The following RBFOX1 variants were observed in gnomAD, a reference collection of about 807,000 sequenced individuals.
RBFOX1 encodes the protein RNA binding fox-1 homolog 1.
Under a neutral mutation model 57.7 loss-of-function variants are expected in RBFOX1, and 8 were observed. The observed-to-expected ratio is 0.14, with a 90% CI of 0.08 to 0.25. The LOEUF (loss-of-function observed/expected upper bound fraction) is 0.25. Among genes scored for constraint, RBFOX1 ranks in the 10% least tolerant of loss-of-function variants. RBFOX1 has a pLI of 1.00. For missense variants in RBFOX1, 611 were observed against 548.5 expected, an observed-to-expected ratio of 1.11 and a Z score of -1.14; for synonymous variants, 326 against 222.4, an observed-to-expected ratio of 1.47 and a Z score of -4.15.
At chr16:7,547,857 A>G (rs1490654471) in intron 5 of RBFOX1, among the ~76,000 whole-genome samples, 1 of 152,184 alleles carries the variant, frequency 6.6e-6, no homozygotes, top group Middle Eastern at 3.2e-3. Flanking sequence ...TAACAGCAGA[A>G]GAGTAATCTA....
chr16:6,792,227 A>G (rs951838856), intron 3 of RBFOX1, among the ~76,000 whole-genome samples: 3 of 152,202 alleles, frequency 2.0e-5, no homozygotes, highest in Admixed American at 6.5e-5. Context: ...TTAAAGCACT[A>G]TTGGAGAATT....
chr16:7,122,298 A>G (rs1316842918), intron 4 of RBFOX1, among the ~76,000 whole-genome samples: 2 of 152,164 alleles, frequency 1.3e-5, no homozygotes, highest in Non-Finnish European at 2.9e-5. Flanking sequence ...TCAAAACATA[A>G]AAGTAAGAAA....
At position 6,495,128 on chromosome 16, in the gene RBFOX1, A is replaced by G. The variant is rs141820819; in HGVS notation, c.-63-159475A>G. On this transcript the variant is annotated intron_variant, in intron 2 of 15. Transcript: ENST00000550418. ...CTTTCTTTTGTTTGTTTATTTATTTATTTATTTTGAGATGAACTTTCACTC... is the reference window on the plus strand; with the variant it reads ...CTTTCTTTTGTTTGTTTATTTATTTGTTTATTTTGAGATGAACTTTCACTC... Among the ~76,000 whole-genome samples the G allele has an allele frequency of 4.2e-4, 64 of 152,088 alleles. 1 individual carries two copies. In the East Asian group the frequency reaches 9.3e-3, roughly 22 times the overall value.
intron 12 of RBFOX1, among the ~76,000 whole-genome samples, chr16:7,656,285 T>C (rs2066275611): frequency 6.6e-6 from 1 of 152,212 alleles, no homozygotes; most frequent in Non-Finnish European, 1.5e-5. Context: ...TACAGACTCC[T>C]GGGAATGAAT....
intron 3 of RBFOX1, among the ~76,000 whole-genome samples, chr16:5,860,034 C>G (rs2057170653): frequency 6.6e-6 from 1 of 152,192 alleles, no homozygotes; most frequent in African/African-American, 2.4e-5. Flanking sequence ...TCTGACATTT[C>G]AGCTGTGGGT....
At chr16:7,343,113 C>CA (rs2096929230) in intron 4 of RBFOX1, among the ~76,000 whole-genome samples, 1 of 152,082 alleles carries the variant, frequency 6.6e-6, no homozygotes, top group Admixed American at 6.5e-5. Context: ...TAGGACCACC[C>CA]ACACCCCTGT....
At chr16:5,354,887 G>T (rs1011510918) in intron 1 of RBFOX1, among the ~76,000 whole-genome samples, 1 of 152,210 alleles carries the variant, frequency 6.6e-6, no homozygotes, top group Non-Finnish European at 1.5e-5. Flanking sequence ...CTTGGTTCCA[G>T]TGGCCTTCTT....
intron 4 of RBFOX1, among the ~76,000 whole-genome samples, chr16:7,454,042 C>T (rs1431159281): frequency 6.6e-6 from 1 of 152,138 alleles, no homozygotes; most frequent in Admixed American, 6.5e-5. Flanking sequence ...AGACCAGCCT[C>T]ACCAACATGG....
At chr16:6,502,012 G>C (rs879889873) in intron 2 of RBFOX1, among the ~76,000 whole-genome samples, 1 of 152,110 alleles carries the variant, frequency 6.6e-6, no homozygotes, top group African/African-American at 2.4e-5. Context: ...TCCTTGATTT[G>C]GAATGCCTGC....
intron 3 of RBFOX1, among the ~76,000 whole-genome samples, chr16:5,605,943 C>T (rs1359517532): frequency 6.6e-6 from 1 of 152,064 alleles, no homozygotes; most frequent in African/African-American, 2.4e-5. Context: ...ATAAGCTGGC[C>T]CACCTTTCCC....
intron 10 of RBFOX1, among the ~76,000 whole-genome samples, chr16:7,625,103 G>C (rs1284274483): frequency 6.6e-6 from 1 of 152,082 alleles, no homozygotes; most frequent in African/African-American, 2.4e-5. Context: ...CTTTGGCCAG[G>C]TGTGTCATTT....
chr16:7,138,897 C>T (rs1274730144), intron 4 of RBFOX1, among the ~76,000 whole-genome samples: 1 of 152,148 alleles, frequency 6.6e-6, no homozygotes, highest in East Asian at 1.9e-4. Context: ...CAAGCTCCGC[C>T]TCCCGGGTTC....
chr16:6,468,729 C>G (rs1024416473), intron 2 of RBFOX1, among the ~76,000 whole-genome samples: 2 of 151,998 alleles, frequency 1.3e-5, no homozygotes, highest in Non-Finnish European at 2.9e-5. Flanking sequence ...GCTTCTCTTG[C>G]TCAGTCCTCT....
chr16:6,087,806 C>A (rs1459866838), intron 1 of RBFOX1, among the ~76,000 whole-genome samples: 1 of 152,092 alleles, frequency 6.6e-6, no homozygotes, highest in African/African-American at 2.4e-5. Flanking sequence ...GCGAGCACCA[C>A]CACACCCAGT....
intron 3 of RBFOX1, among the ~76,000 whole-genome samples, chr16:5,656,567 C>A (rs903238138): frequency 1.3e-5 from 2 of 152,156 alleles, no homozygotes; most frequent in South Asian, 2.1e-4. Flanking sequence ...CTGTCCATCA[C>A]CTCTAAAAGT....
chr16:5,256,230 AGTTG>A (rs2062587952), intron 1 of RBFOX1, among the ~76,000 whole-genome samples: 1 of 152,162 alleles, frequency 6.6e-6, no homozygotes, highest in Non-Finnish European at 1.5e-5. Context: ...GATGGGTAGT[AGTTG>A]GAGATCCCAG....
chr16:7,423,601 A>C (rs2098568909), intron 4 of RBFOX1, among the ~76,000 whole-genome samples: 1 of 152,098 alleles, frequency 6.6e-6, no homozygotes, highest in Non-Finnish European at 1.5e-5. Context: ...TTTCATACTG[A>C]CTGTGGGCAC....
chr16:6,994,041 C>T (rs547004204), intron 3 of RBFOX1, among the ~76,000 whole-genome samples: 1 of 152,040 alleles, frequency 6.6e-6, no homozygotes, highest in African/African-American at 2.4e-5. Context: ...ATCCACCTCC[C>T]CCTCTGGGAG....
chr16:5,686,794 CAATT>C (rs781244001), intron 3 of RBFOX1, among the ~76,000 whole-genome samples: 4 of 151,972 alleles, frequency 2.6e-5, no homozygotes, highest in African/African-American at 9.7e-5. Flanking sequence ...ATTTGGCTAT[CAATT>C]AGTCAGCAAA....
Sources: allele counts gnomAD v4.1 joint callset (sites outside exome capture counted in the v4.1 genomes callset), GRCh38; gene constraint gnomAD v4.1.1; transcripts MANE v1.5; gene names NCBI Gene and HGNC (gene_info 2026-07-23, HGNC 2026-07-21).